The following ERMP1 variants were observed in gnomAD, a reference collection of about 807,000 sequenced individuals.
ERMP1 encodes the protein endoplasmic reticulum metallopeptidase 1.
A neutral mutation model predicts 92.0 loss-of-function variants in ERMP1; 86 were observed. The ratio of observed to expected loss-of-function variants is 0.93; its 90% confidence interval spans 0.79 to 1.12. The LOEUF (loss-of-function observed/expected upper bound fraction) is 1.12. ERMP1 is among the 50% of genes most tolerant of loss of function. The probability of loss-of-function intolerance (pLI) is 0.00; values close to 1 mark genes in which losing one functional copy is unlikely to be tolerated. For synonymous variants in ERMP1, 530 were observed against 412.8 expected, an observed-to-expected ratio of 1.28 and a Z score of -3.44; for missense variants, 1,342 against 1,116.3, an observed-to-expected ratio of 1.20 and a Z score of -2.88.
intron 4 of ERMP1, among the ~76,000 whole-genome samples, chr9:5,815,965 G>A (rs7862452): frequency 0.33 from 49,566 of 151,708 alleles, 8,823 homozygotes; most frequent in East Asian, 0.58. Context: ...AGAAATTTAT[G>A]CTAAAAAATA....
At chr9:5,828,015 C>G (rs4612399) in intron 2 of ERMP1, among the ~76,000 whole-genome samples, 56,562 of 151,140 alleles carry the variant, frequency 0.37, 11,518 homozygotes, top group East Asian at 0.75. Flanking sequence ...AATGAATGTA[C>G]GTTCTAGGCC....
chr9:5,795,502 G>A (rs898212888), intron 13 of ERMP1, among the ~76,000 whole-genome samples: 4 of 152,242 alleles, frequency 2.6e-5, no homozygotes, highest in Non-Finnish European at 5.9e-5. Flanking sequence ...AGAATAGGCT[G>A]GGCGCGGTGG....
intron 5 of ERMP1, among the ~76,000 whole-genome samples, chr9:5,864,143 T>C (rs1021563772): frequency 6.6e-6 from 1 of 152,218 alleles, no homozygotes; most frequent in African/African-American, 2.4e-5. Context: ...CTGTTGGAAA[T>C]TGGTAGCTGA....
Position 5,832,750 on chromosome 9 carries a change from T to C in ERMP1, c.278A>G (p.Gln93Arg). 1.3e-6 allele frequency: 2 copies of C among 1,497,740 alleles called. No homozygotes were observed. Among genetic ancestry groups the C allele is most frequent in the Non-Finnish European group, 1.8e-6 (2 of 1,132,166 alleles). 92.8% of individuals were successfully genotyped at this position (1,497,740 alleles called of 1,614,324 possible). ...ALRTLVQLSL[Q>R]QLVLRGAAGH... ...AGCGGCCCCGCGTAGCACGAGCTGC[T>C]GCAGCGAGAGCTGCACCAGCGTCCG... The change falls in exon 1 of 15, where the codon CAG becomes CGG. Residue 93 changes from glutamine to arginine, a missense_variant. Transcript: ENST00000339450.
Position 5,787,453 on chromosome 9 carries a change from A to G in ERMP1, c.2527T>C (p.Trp843Arg). ...ACCTGCACTTCTATCCAGAACTGCC[A>G]TGCAGAGGCCTGGAGTCCATGGGAG... ...FYSHGLQASA[W>R]QFWIEVQVSE... Residue 843 changes from tryptophan to arginine, a missense_variant, in exon 14 of 15, where the codon TGG becomes CGG. Coordinates refer to ENST00000339450, the MANE Select transcript of ERMP1 (RefSeq NM_024896.3). The G allele has an allele frequency of 6.2e-7, 1 of 1,613,906 alleles. No individual in the cohort carries two copies. The highest frequency in any genetic ancestry group is 8.5e-7 in the Non-Finnish European group (1 of 1,179,924).
intron 4 of ERMP1, among the ~76,000 whole-genome samples, chr9:5,815,876 A>AT (rs1829284970): frequency 6.6e-6 from 1 of 152,150 alleles, no homozygotes; most frequent in Non-Finnish European, 1.5e-5. Flanking sequence ...AAAAAGAACT[A>AT]TGATGATGGG....
At chr9:5,812,606 A>G (rs1563760681) in intron 5 of ERMP1, 2 of 457,116 alleles carry the variant, frequency 4.4e-6, no homozygotes, top group Non-Finnish European at 7.9e-6. Flanking sequence ...GACAACAACG[A>G]AAGACCCCTG....
At chr9:5,852,174 G>A (rs1830317817) in intron 6 of ERMP1, among the ~76,000 whole-genome samples, 1 of 152,006 alleles carries the variant, frequency 6.6e-6, no homozygotes, top group African/African-American at 2.4e-5. Flanking sequence ...AATCTTAAGG[G>A]TAATCAAGCA....
Position 5,784,631 on chromosome 9 carries a change from G to A in ERMP1, c.*2513C>T, listed in dbSNP as rs1330424282. On this transcript the variant is annotated 3_prime_UTR_variant, in exon 15 of 15. Coordinates refer to ENST00000339450, the MANE Select transcript of ERMP1 (RefSeq NM_024896.3). Reference sequence around the variant, plus strand: ...GCAACAATTAATCCTCAGTAAGTCAGCAAACCAGTGACAAGAAATTGACAA... The same window carrying A: ...GCAACAATTAATCCTCAGTAAGTCAACAAACCAGTGACAAGAAATTGACAA... 1 of 152,632 alleles carries A rather than the reference G, an allele frequency of 6.6e-6. No individual in the cohort carries two copies. Among genetic ancestry groups the A allele is most frequent in the Admixed American group, 6.5e-5 (1 of 15,280 alleles). 9.5% of individuals were successfully genotyped at this position (152,632 alleles called of 1,614,324 possible).
intron 5 of ERMP1, among the ~76,000 whole-genome samples, chr9:5,860,084 G>C (rs1222486844): frequency 1.3e-5 from 2 of 151,110 alleles, no homozygotes; most frequent in Non-Finnish European, 2.9e-5. Flanking sequence ...AGGATTGCTT[G>C]AGCCCAGTTT....
At chr9:5,799,161 T>C (rs964968032) in intron 11 of ERMP1, among the ~76,000 whole-genome samples, 153 bp from the exon 12 acceptor site, 1 of 152,222 alleles carries the variant, frequency 6.6e-6, no homozygotes, top group East Asian at 1.9e-4. Flanking sequence ...ACTGCTAGCG[T>C]TCTTTATTTT....
chr9:5,814,222 G>A (rs1379045858), intron 4 of ERMP1, among the ~76,000 whole-genome samples: 3 of 152,092 alleles, frequency 2.0e-5, no homozygotes, highest in South Asian at 2.1e-4. Flanking sequence ...TAAGACACAT[G>A]GAACATAATA....
chr9:5,823,003 G>A (rs1829598211), intron 4 of ERMP1, among the ~76,000 whole-genome samples: 1 of 152,106 alleles, frequency 6.6e-6, no homozygotes, highest in Non-Finnish European at 1.5e-5. Context: ...TATTTCTCTG[G>A]GCCAGGCATG....
rs1002569249 is a variant in ERMP1, at chr9:5,785,357, T to G, written c.*1787A>C. The G allele has an allele frequency of 1.3e-5, 2 of 152,234 alleles. No homozygotes were observed. Among genetic ancestry groups the G allele is most frequent in the African/African-American group, 4.8e-5 (2 of 41,454 alleles). 9.4% of individuals were successfully genotyped at this position (152,234 alleles called of 1,614,324 possible). A position where few individuals can be genotyped will look rare whatever the true frequency, so the allele number is the denominator to read the frequency against. Reference sequence around the variant, plus strand: ...AAATTCATTGAGAAATTATTACTTTTTCTCCACAACTGTGATTCTATACAA... The same window carrying G: ...AAATTCATTGAGAAATTATTACTTTGTCTCCACAACTGTGATTCTATACAA... On this transcript the variant is annotated 3_prime_UTR_variant, in exon 15 of 15. Coordinates refer to ENST00000339450, the MANE Select transcript of ERMP1 (RefSeq NM_024896.3).
At chr9:5,844,283 G>A (rs746945366) in intron 6 of ERMP1, among the ~76,000 whole-genome samples, 82 of 152,176 alleles carry the variant, frequency 5.4e-4, no homozygotes, top group Middle Eastern at 3.4e-3. Flanking sequence ...TTGTTTGTTC[G>A]TTTGTTTCAA....
At chr9:5,817,309 C>A (rs905907469) in intron 4 of ERMP1, among the ~76,000 whole-genome samples, 1 of 152,166 alleles carries the variant, frequency 6.6e-6, no homozygotes, top group Non-Finnish European at 1.5e-5. Flanking sequence ...CCTGCCTCAG[C>A]CTCCCAAGTA....
Position 5,787,527 on chromosome 9 carries a change from C to T in ERMP1, c.2453G>A (p.Gly818Asp). The T allele has an allele frequency of 1.2e-6, 2 of 1,614,004 alleles. No individual in the cohort carries two copies. The highest frequency in any genetic ancestry group is 1.7e-6 in the Non-Finnish European group (2 of 1,179,946). ...TTTACTTGTGACTGGGGTGCCATTG[C>T]CAAGAGACCACTGAGAAAGTGTTGA... is the stretch of plus-strand genomic sequence containing the variant. Reference protein sequence around the residue: ...KGSTLSQWSLGNGTPVTSKGG... With the variant: ...KGSTLSQWSLDNGTPVTSKGG... Residue 818 changes from glycine to aspartate, a missense_variant, in exon 14 of 15, where the codon GGC becomes GAC. Coordinates refer to ENST00000339450, the MANE Select transcript of ERMP1 (RefSeq NM_024896.3).
chr9:5,833,201 T>C, upstream of ERMP1: 1 of 588,142 alleles, frequency 1.7e-6, no homozygotes, highest in Non-Finnish European at 2.7e-6. Flanking sequence ...CTTTGGCAGT[T>C]CTCGGGTGCA....
rs199615496 is a variant in ERMP1, at chr9:5,825,186, A to G, written c.674T>C (p.Met225Thr). 1 of 1,613,994 alleles carries G rather than the reference A, an allele frequency of 6.2e-7. No homozygotes were observed. Among genetic ancestry groups the G allele is most frequent in the Non-Finnish European group, 8.5e-7 (1 of 1,179,960 alleles). Reference sequence around the variant, plus strand: ...TGACAAGACGCGAAGGACTTCCAGCATCACTGAGCAGCTAACTGCATCATC... The same window carrying G: ...TGACAAGACGCGAAGGACTTCCAGCGTCACTGAGCAGCTAACTGCATCATC... Reference protein sequence around the residue: ...ASDDAVSCSVMLEVLRVLSTS... With the variant: ...ASDDAVSCSVTLEVLRVLSTS... The change falls in exon 3 of 15, where the codon ATG becomes ACG. Residue 225 changes from methionine (M) to threonine (T), a missense_variant. Transcript: ENST00000339450.
Sources: allele counts gnomAD v4.1 joint callset (sites outside exome capture counted in the v4.1 genomes callset), GRCh38; gene constraint gnomAD v4.1.1; transcripts MANE v1.5; gene names NCBI Gene and HGNC (gene_info 2026-07-23, HGNC 2026-07-21).